The following EPHA4 variants were observed in gnomAD, a reference collection of about 807,000 sequenced individuals.
The protein encoded by EPHA4 is ephrin type-A receptor 4.
EPHA4 carries 19 observed loss-of-function variants against 108.3 expected under a neutral mutation model. That is an observed-to-expected ratio of 0.18 (90% confidence interval 0.12 to 0.26). The LOEUF is 0.26. EPHA4 is among the 10% of genes least tolerant of loss of function. The probability of loss-of-function intolerance (pLI) is 1.00; values close to 1 mark genes in which losing one functional copy is unlikely to be tolerated. For synonymous variants in EPHA4, 449 were observed against 455.5 expected (o/e 0.99, Z 0.18); for missense variants, 917 against 1,254.0 (o/e 0.73, Z 4.06).
At chr2:221,562,503 A>T (rs1438040952) in intron 3 of EPHA4, among the ~76,000 whole-genome samples, 1 of 152,230 alleles carries the variant, frequency 6.6e-6, no homozygotes, top group African/African-American at 2.4e-5. Flanking sequence ...AATGCCAGAC[A>T]AATTGTTTGG....
chr2:221,513,496 T>C (rs1692893235), intron 3 of EPHA4, among the ~76,000 whole-genome samples: 2 of 152,210 alleles, frequency 1.3e-5, no homozygotes, highest in African/African-American at 2.4e-5. Flanking sequence ...CACCTCTTCT[T>C]TTTTGTTATG....
intron 4 of EPHA4, among the ~76,000 whole-genome samples, chr2:221,490,267 A>G (rs1392739432): frequency 6.6e-6 from 1 of 151,892 alleles, no homozygotes; most frequent in African/African-American, 2.4e-5. Flanking sequence ...GTAAAAAAAA[A>G]AAAAGAAAAG....
chr2:221,494,553 G>A (rs557193221), intron 4 of EPHA4, among the ~76,000 whole-genome samples: 2 of 152,244 alleles, frequency 1.3e-5, no homozygotes, highest in African/African-American at 2.4e-5. Flanking sequence ...GTTACAGTGA[G>A]CTGAGATAGC....
chr2:221,473,191 G>C (rs1167311269), intron 5 of EPHA4, among the ~76,000 whole-genome samples: 2 of 152,176 alleles, frequency 1.3e-5, no homozygotes, highest in Non-Finnish European at 2.9e-5. Flanking sequence ...CAAAGAATGA[G>C]AAAGCATGAG....
intron 3 of EPHA4, among the ~76,000 whole-genome samples, chr2:221,539,385 C>T (rs796844490): frequency 3.3e-5 from 5 of 151,958 alleles, no homozygotes; most frequent in Admixed American, 6.6e-5. Flanking sequence ...CTAACAAGTC[C>T]GATAAGATGG....
Position 221,426,481 on chromosome 2 carries a change from C to T in EPHA4, c.2829G>A (p.Val943=), listed in dbSNP as rs1447813030. The T allele has an allele frequency of 1.2e-6, 2 of 1,609,412 alleles. No homozygotes were observed. Among genetic ancestry groups the T allele is most frequent in the South Asian group, 1.1e-5 (1 of 89,672 alleles). The change falls in exon 16 of 18, where the codon GTG becomes GTA. Residue 943 remains valine, a synonymous_variant. Transcript: ENST00000281821. The stretch of plus-strand genomic sequence containing the variant: ...GTACTTACTCCTGGTTCACGTGCAC[C>T]ACAGCCTCTAGTGTGGTATAACCAG... The part of the protein sequence containing the change: ...TAAGYTTLEA[V]VHVNQEDLAR...
In EPHA4 at chr2:221,457,947, T is replaced by C. The variant is rs1320958366; in HGVS notation, c.1362A>G (p.Arg454=). ...CCAGCCAAGCCAGTGCCACACTGTA[T>C]CTTGTGACTTCTTTAGCCTGGACCA... ...IALVQAKEVT[R]YSVALAWLEP... Residue 454 remains arginine (R), a synonymous_variant, in exon 6 of 18, where the codon AGA becomes AGG. Transcript: ENST00000281821. 1.9e-6 allele frequency: 3 copies of C among 1,613,840 alleles called. No homozygotes were observed. Among genetic ancestry groups the C allele is most frequent in the Non-Finnish European group, 1.7e-6 (2 of 1,179,770 alleles).
intron 3 of EPHA4, among the ~76,000 whole-genome samples, chr2:221,552,528 C>T (rs770425458): frequency 1.4e-4 from 21 of 152,142 alleles, no homozygotes; most frequent in Non-Finnish European, 2.4e-4. Context: ...TGGAAGAGTG[C>T]GAGGAGGGTA....
intron 3 of EPHA4, among the ~76,000 whole-genome samples, chr2:221,519,095 C>G (rs1693082425): frequency 6.6e-6 from 1 of 152,174 alleles, no homozygotes; most frequent in Non-Finnish European, 1.5e-5. Flanking sequence ...AGATAAGTCC[C>G]TTTGCAGAGT....
intron 8 of EPHA4, among the ~76,000 whole-genome samples, chr2:221,449,234 T>G (rs899850459): frequency 2.6e-5 from 4 of 152,208 alleles, no homozygotes; most frequent in South Asian, 2.1e-4. Flanking sequence ...CTTTAACACC[T>G]GATGGCCCTT....
chr2:221,430,193 G>C, intron 14 of EPHA4, 42 bp from the exon 15 acceptor site: 1 of 1,551,796 alleles, frequency 6.4e-7, no homozygotes, highest in Non-Finnish European at 8.7e-7. Context: ...TGCCAGGCAA[G>C]CTGCTGTTCA....
intron 4 of EPHA4, 99 bp downstream of exon 4, chr2:221,500,918 C>G: frequency 7.9e-7 from 1 of 1,258,564 alleles, no homozygotes; most frequent in African/African-American, 1.5e-5. Context: ...CTCAAGTGCC[C>G]CCTGAATGAT....
chr2:221,503,241 A>C (rs918335949), intron 3 of EPHA4, among the ~76,000 whole-genome samples: 2 of 152,344 alleles, frequency 1.3e-5, no homozygotes, highest in Middle Eastern at 6.8e-3. Context: ...AGAAAACTGC[A>C]TATTACTGAC....
At chr2:221,572,332 A>T (rs890855688), upstream of EPHA4, 56 of 1,279,630 alleles carry the variant, frequency 4.4e-5, no homozygotes, top group South Asian at 2.5e-4. Flanking sequence ...GGCTGAAGAC[A>T]TTGCCAAGGG....
chr2:221,469,311 T>A (rs147175662), intron 5 of EPHA4, among the ~76,000 whole-genome samples: 486 of 152,254 alleles, frequency 3.2e-3, no homozygotes, highest in Non-Finnish European at 5.7e-3. Flanking sequence ...GACTAGGTAA[T>A]CAACCTCCAA....
intron 3 of EPHA4, among the ~76,000 whole-genome samples, chr2:221,528,769 C>T (rs2106181041): frequency 6.6e-6 from 1 of 152,284 alleles, no homozygotes; most frequent in Non-Finnish European, 1.5e-5. Flanking sequence ...CACTTCTATA[C>T]ATTTTTTAGC....
intron 3 of EPHA4, among the ~76,000 whole-genome samples, chr2:221,517,458 G>A (rs959358466): frequency 6.6e-6 from 1 of 152,110 alleles, no homozygotes; most frequent in African/African-American, 2.4e-5. Context: ...TTTGGCTGCT[G>A]GTAGAACGTG....
intron 3 of EPHA4, among the ~76,000 whole-genome samples, chr2:221,513,251 T>C (rs888988876): frequency 6.6e-6 from 1 of 152,176 alleles, no homozygotes; most frequent in Non-Finnish European, 1.5e-5. Flanking sequence ...ATGCATATCT[T>C]ACACTTGCTC....
At chr2:221,558,553 C>T (rs1694367245) in intron 3 of EPHA4, among the ~76,000 whole-genome samples, 1 of 152,066 alleles carries the variant, frequency 6.6e-6, no homozygotes, top group Admixed American at 6.5e-5. Context: ...TTCCTAGAGG[C>T]TCAGATCTTA....
Sources: gnomAD v4.1 joint callset for allele counts (sites outside exome capture counted in the v4.1 genomes callset) on GRCh38, gnomAD v4.1.1 for gene constraint, MANE v1.5 for transcripts, NCBI Gene and HGNC (gene_info 2026-07-23, HGNC 2026-07-21) for gene names.